The following TENM2 variants were observed in gnomAD, a reference collection of about 807,000 sequenced individuals.
The protein encoded by TENM2 is teneurin-2.
Under a neutral mutation model 245.2 loss-of-function variants are expected in TENM2, and 52 were observed. The observed-to-expected ratio is 0.21, with a 90% CI of 0.17 to 0.27. TENM2 has a LOEUF of 0.27. TENM2 is among the 10% of genes least tolerant of loss of function. TENM2 has a pLI of 1.00. For synonymous variants in TENM2, 1,363 were observed against 1,438.9 expected (o/e 0.95, Z 1.19); for missense variants, 3,046 against 3,666.8 (o/e 0.83, Z 4.37).
intron 2 of TENM2, among the ~76,000 whole-genome samples, chr5:167,848,108 C>G (rs189626079): frequency 2.0e-4 from 31 of 152,116 alleles, no homozygotes; most frequent in African/African-American, 7.5e-4. Context: ...ATAACAGAGC[C>G]CTGTGGTACA....
At chr5:168,221,986 T>G (rs1763712099) in intron 23 of TENM2, among the ~76,000 whole-genome samples, 1 of 152,154 alleles carries the variant, frequency 6.6e-6, no homozygotes, top group South Asian at 2.1e-4. Flanking sequence ...TCCACTGAGA[T>G]AATACATTTT....
chr5:168,153,332 G>T (rs1756819285), intron 12 of TENM2, among the ~76,000 whole-genome samples: 1 of 152,182 alleles, frequency 6.6e-6, no homozygotes, highest in Non-Finnish European at 1.5e-5. Flanking sequence ...TGAAAGTGCG[G>T]CCCAGTTAAG....
At chr5:168,212,805 G>A (rs1762890703) in intron 20 of TENM2, among the ~76,000 whole-genome samples, 1 of 152,144 alleles carries the variant, frequency 6.6e-6, no homozygotes, top group Non-Finnish European at 1.5e-5. Context: ...ACAGCCACAG[G>A]TATGGAGGCA....
intron 2 of TENM2, among the ~76,000 whole-genome samples, chr5:167,801,112 ATATATATAT>A (rs1561795712): frequency 0.093 from 4,697 of 50,686 alleles, 221 homozygotes; most frequent in Admixed American, 0.11. Flanking sequence ...AAAAAAAAAT[ATATATATAT>A]ATATATATAT....
Position 168,015,258 on chromosome 5 carries a change from T to C in TENM2, c.1186+22076T>C, listed in dbSNP as rs1351512579. 3.9e-5 allele frequency among the ~76,000 whole-genome samples: 6 copies of C among 152,326 alleles called. No homozygotes were observed. In the South Asian group the frequency reaches 6.2e-4, roughly 16 times the overall value. On this transcript the variant is annotated intron_variant, in intron 5 of 28. Coordinates refer to ENST00000518659, the Ensembl canonical transcript of TENM2. Reference sequence around the variant, plus strand: ...GGAAATGATGGGAAAAAGCAAATCATGCTTTATGTTTGAGAGGCACCTCAT... The same window carrying C: ...GGAAATGATGGGAAAAAGCAAATCACGCTTTATGTTTGAGAGGCACCTCAT...
intron 13 of TENM2, among the ~76,000 whole-genome samples, chr5:168,167,706 A>G (rs965521424): frequency 2.0e-5 from 3 of 152,172 alleles, no homozygotes; most frequent in Non-Finnish European, 2.9e-5. Flanking sequence ...CTGGTTTCTG[A>G]ACAGGTGACA....
chr5:167,449,754 T>TC (rs1357794777), intron 2 of TENM2, among the ~76,000 whole-genome samples: 1 of 152,092 alleles, frequency 6.6e-6, no homozygotes, highest in African/African-American at 2.4e-5. Context: ...GGCCAGGAGT[T>TC]CAAGACCAGT....
intron 2 of TENM2, among the ~76,000 whole-genome samples, chr5:167,484,294 A>G (rs1238785706): frequency 6.6e-6 from 1 of 152,136 alleles, no homozygotes; most frequent in East Asian, 1.9e-4. Flanking sequence ...ATATGGCCTC[A>G]TTTGTAGACA....
intron 2 of TENM2, among the ~76,000 whole-genome samples, chr5:167,677,448 G>T (rs1428595540): frequency 1.3e-5 from 2 of 150,628 alleles, no homozygotes; most frequent in Non-Finnish European, 3.0e-5. Flanking sequence ...GAACTTTTTG[G>T]TTTCTCTTGG....
At chr5:167,804,048 G>A (rs1765970558) in intron 2 of TENM2, among the ~76,000 whole-genome samples, 1 of 151,924 alleles carries the variant, frequency 6.6e-6, no homozygotes, top group Non-Finnish European at 1.5e-5. Context: ...TTTGGATTTT[G>A]GGTTTTAGAA....
the TENM2 span, among the ~76,000 whole-genome samples, chr5:167,014,379 C>T: frequency 6.6e-6 from 1 of 152,014 alleles, no homozygotes; most frequent in Non-Finnish European, 1.5e-5. Context: ...ACGTTAAATT[C>T]TGTGGGTCTC....
intron 2 of TENM2, among the ~76,000 whole-genome samples, chr5:167,450,949 T>C (rs548827041): frequency 6.2e-4 from 95 of 152,380 alleles, no homozygotes; most frequent in Admixed American, 1.8e-3. Flanking sequence ...GTTAATATGA[T>C]ATTTTGCAAG....
At chr5:167,064,887 A>G in the TENM2 span, among the ~76,000 whole-genome samples, 2 of 152,132 alleles carry the variant, frequency 1.3e-5, no homozygotes. Context: ...TCTGTTAATT[A>G]ATTAGGGGGA....
At chr5:167,889,598 A>C (rs577496199) in intron 3 of TENM2, among the ~76,000 whole-genome samples, 1 of 152,056 alleles carries the variant, frequency 6.6e-6, no homozygotes, top group East Asian at 1.9e-4. Flanking sequence ...CTCTTCCTGT[A>C]GTAACCACTG....
chr5:168,013,246 G>A (rs1015889008), intron 5 of TENM2, among the ~76,000 whole-genome samples: 1 of 152,146 alleles, frequency 6.6e-6, no homozygotes, highest in Admixed American at 6.5e-5. Context: ...AGGGAAACGA[G>A]GGTTGGAATT....
intron 2 of TENM2, among the ~76,000 whole-genome samples, chr5:167,473,967 G>A (rs1767206723): frequency 6.6e-6 from 1 of 152,028 alleles, no homozygotes; most frequent in Non-Finnish European, 1.5e-5. Flanking sequence ...ACTGTAAGCA[G>A]GTTCTCAAAC....
chr5:168,169,701 T>C (rs1329591095), intron 13 of TENM2, among the ~76,000 whole-genome samples: 1 of 152,254 alleles, frequency 6.6e-6, no homozygotes, highest in Non-Finnish European at 1.5e-5. Context: ...CTGGTTCCCA[T>C]GCCCAAATAG....
the TENM2 span, among the ~76,000 whole-genome samples, chr5:167,030,734 G>C: frequency 5.9e-5 from 9 of 152,160 alleles, no homozygotes; most frequent in Non-Finnish European, 1.0e-4. Context: ...CTACCAGCAG[G>C]GGGTGGGAGA....
At chr5:168,173,909 C>T (rs6555785) in intron 13 of TENM2, among the ~76,000 whole-genome samples, 20,736 of 152,068 alleles carry the variant, frequency 0.14, 2,789 homozygotes, top group East Asian at 0.44. Flanking sequence ...GCATTGTGAA[C>T]GAAGGGAACG....
Sources: allele counts gnomAD v4.1 joint callset (sites outside exome capture counted in the v4.1 genomes callset), GRCh38; gene constraint gnomAD v4.1.1; transcripts MANE v1.5; gene names NCBI Gene and HGNC (gene_info 2026-07-23, HGNC 2026-07-21).